GLRA2: variants seen among roughly 807,000 people sequenced by gnomAD.
The protein encoded by GLRA2 is glycine receptor subunit alpha-2.
Under a neutral mutation model 31.6 loss-of-function variants are expected in GLRA2, and 11 were observed. The ratio of observed to expected loss-of-function variants is 0.35; its 90% confidence interval spans 0.22 to 0.58. The LOEUF (loss-of-function observed/expected upper bound fraction) is 0.58, where lower values mean the gene tolerates loss of function less well. Among genes scored for constraint, GLRA2 ranks in the 20% least tolerant of loss-of-function variants. The pLI is 0.84. For synonymous variants in GLRA2, 132 were observed against 134.0 expected (o/e 0.99, Z 0.10); for missense variants, 212 against 351.8 (o/e 0.60, Z 3.18).
chrX:14,462,207 C>G, the GLRA2 span, among the ~76,000 whole-genome samples: 2 of 111,823 alleles, frequency 1.8e-5, no homozygotes, highest in African/African-American at 3.3e-5. Context: ...GGGTTTCTGC[C>G]GAGAGATCAG....
intron 4 of GLRA2, among the ~76,000 whole-genome samples, chrX:14,604,079 C>A (rs2090305189): frequency 9.1e-6 from 1 of 109,765 alleles, no homozygotes; most frequent in Non-Finnish European, 1.9e-5. Context: ...GAATCAGAGG[C>A]TGGAAGATGA....
chrX:14,585,230 C>T (rs1267237626), intron 4 of GLRA2, among the ~76,000 whole-genome samples: 1 of 111,331 alleles, frequency 9.0e-6, no homozygotes, highest in African/African-American at 3.3e-5. Context: ...TAATTATTTG[C>T]CTAGAAGGGC....
chrX:14,594,794 A>AAGGTCCAGCCTTAGACAATAT (rs2090182229), intron 4 of GLRA2, among the ~76,000 whole-genome samples: 1 of 111,237 alleles, frequency 9.0e-6, no homozygotes, highest in Non-Finnish European at 1.9e-5. Flanking sequence ...CTCAGTGCAT[A>AAGGTCCAGCCTTAGACAATAT]TGGGTATTTT....
At chrX:14,466,206 C>G in the GLRA2 span, among the ~76,000 whole-genome samples, 1 of 111,149 alleles carries the variant, frequency 9.0e-6, no homozygotes, top group East Asian at 2.8e-4. Flanking sequence ...CTACTGACCA[C>G]AAATGAGCAG....
intron 4 of GLRA2, among the ~76,000 whole-genome samples, chrX:14,600,927 T>C (rs1699499489): frequency 9.0e-6 from 1 of 111,074 alleles, no homozygotes; most frequent in Admixed American, 9.6e-5. Flanking sequence ...ATTCTCATTA[T>C]GGTAATAATA....
chrX:14,476,624 C>T, the GLRA2 span, among the ~76,000 whole-genome samples: 4 of 111,763 alleles, frequency 3.6e-5, no homozygotes, highest in Non-Finnish European at 7.5e-5. Context: ...CTCAACCTGA[C>T]TCTACTGGCC....
In GLRA2 at chrX:14,580,165, C is replaced by A. The variant is rs140539531; in HGVS notation, c.271-1018C>A. 1.3e-3 allele frequency among the ~76,000 whole-genome samples: 150 copies of A among 111,696 alleles called. 1 individual carries two copies. Among genetic ancestry groups the A allele is most frequent in the African/African-American group, 4.4e-3 (136 of 30,752 alleles). Reference sequence around the variant, plus strand: ...CTCAGGCAAACCAGGACAAGTTAGTCACCATTAGAGTAACGTAAACAATGA... The same window carrying A: ...CTCAGGCAAACCAGGACAAGTTAGTAACCATTAGAGTAACGTAAACAATGA... On this transcript the variant is annotated intron_variant, in intron 3 of 8. Coordinates refer to ENST00000218075, the MANE Select transcript of GLRA2 (RefSeq NM_002063.4).
intron 7 of GLRA2, among the ~76,000 whole-genome samples, chrX:14,686,411 G>C (rs1488285982): frequency 1.8e-5 from 2 of 110,962 alleles, no homozygotes; most frequent in African/African-American, 6.6e-5. Context: ...GTTGATAGTG[G>C]GGTGTTAAAG....
At chrX:14,709,568 G>T (rs2091682765) in intron 8 of GLRA2, among the ~76,000 whole-genome samples, 1 of 112,213 alleles carries the variant, frequency 8.9e-6, no homozygotes, top group Non-Finnish European at 1.9e-5. Context: ...TTTCCAGCAA[G>T]AGTTGCGTAT....
At chrX:14,570,013 C>T (rs766055693) in intron 2 of GLRA2, among the ~76,000 whole-genome samples, 15 of 112,036 alleles carry the variant, frequency 1.3e-4, no homozygotes, top group East Asian at 5.6e-4. Flanking sequence ...AAATATTATA[C>T]GGTTCCACTT....
intron 2 of GLRA2, among the ~76,000 whole-genome samples, chrX:14,542,313 G>A (rs772377136): frequency 8.9e-6 from 1 of 112,107 alleles, no homozygotes; most frequent in Non-Finnish European, 1.9e-5. Context: ...AAACATGCAT[G>A]TAACATACAA....
At chrX:14,621,219 A>T (rs1374829102) in intron 7 of GLRA2, among the ~76,000 whole-genome samples, 1 of 111,227 alleles carries the variant, frequency 9.0e-6, no homozygotes, top group Non-Finnish European at 1.9e-5. Flanking sequence ...TAAAGCAGGG[A>T]CCTCAAACTT....
intron 2 of GLRA2, among the ~76,000 whole-genome samples, chrX:14,555,627 CATT>C (rs1016954987): frequency 1.8e-5 from 2 of 112,131 alleles, no homozygotes; most frequent in African/African-American, 6.5e-5. Flanking sequence ...ATAATTTTCT[CATT>C]CTGTTGAGTG....
chrX:14,581,368 A>G lies in GLRA2; in HGVS notation c.456A>G (p.Leu152=). The change falls in exon 4 of 9, where the codon CTA becomes CTG. Residue 152 remains leucine, a synonymous_variant. Coordinates refer to ENST00000218075, the MANE Select transcript of GLRA2 (RefSeq NM_002063.4). Reference sequence around the variant, plus strand: ...ATGTCACCACTGACAACAAATTGCTACGGATTTCGAAAAATGGCAAAGTGC... The same window carrying G: ...ATGTCACCACTGACAACAAATTGCTGCGGATTTCGAAAAATGGCAAAGTGC... ...FHDVTTDNKL[L]RISKNGKVLY... is the part of the protein sequence containing the mutation. 2.5e-6 allele frequency: 3 copies of G among 1,199,303 alleles called. No individual in the cohort carries two copies. The highest frequency in any genetic ancestry group is 3.4e-6 in the Non-Finnish European group (3 of 884,183).
intron 8 of GLRA2, among the ~76,000 whole-genome samples, chrX:14,727,155 T>C (rs2091938594): frequency 9.0e-6 from 1 of 111,516 alleles, no homozygotes; most frequent in Admixed American, 9.6e-5. Flanking sequence ...TTAGAGTCAC[T>C]GGATCTTTAA....
At chrX:14,597,027 T>A (rs760480553) in intron 4 of GLRA2, among the ~76,000 whole-genome samples, 2 of 111,740 alleles carry the variant, frequency 1.8e-5, no homozygotes, top group Admixed American at 9.5e-5. Flanking sequence ...ATGATGCACT[T>A]TTAACTTGAC....
chrX:14,463,563 A>C, the GLRA2 span, among the ~76,000 whole-genome samples: 3 of 110,995 alleles, frequency 2.7e-5, no homozygotes, highest in Admixed American at 2.8e-4. Flanking sequence ...CCGCCTACTC[A>C]AGCCTCAGCA....
the GLRA2 span, among the ~76,000 whole-genome samples, chrX:14,485,229 C>G: frequency 8.9e-6 from 1 of 112,146 alleles, no homozygotes; most frequent in African/African-American, 3.2e-5. Context: ...GTTTACGAAG[C>G]TGCAGAATAT....
At chrX:14,727,882 CCTTGTCCAA>C (rs1569528019) in intron 8 of GLRA2, among the ~76,000 whole-genome samples, 1 of 111,353 alleles carries the variant, frequency 9.0e-6, no homozygotes, top group Non-Finnish European at 1.9e-5. Context: ...CAGATAGAGC[CCTTGTCCAA>C]CTTCATCAAT....
Sources: gnomAD v4.1 joint callset for allele counts (sites outside exome capture counted in the v4.1 genomes callset) on GRCh38, gnomAD v4.1.1 for gene constraint, MANE v1.5 for transcripts, NCBI Gene and HGNC (gene_info 2026-07-23, HGNC 2026-07-21) for gene names.